Variants in FBXL7 observed in about 807,000 individuals in gnomAD.
FBXL7 encodes F-box/LRR-repeat protein 7.
In FBXL7, 12 loss-of-function variants were observed where a neutral mutation model predicts 38.3. The observed-to-expected ratio is 0.31, with a 90% CI of 0.20 to 0.51. The LOEUF is 0.51. Ranked by LOEUF, FBXL7 falls within the 20% of genes least tolerant of loss-of-function variation. The probability of loss-of-function intolerance (pLI) is 0.98; values close to 1 mark genes in which losing one functional copy is unlikely to be tolerated. For missense variants in FBXL7, 567 were observed against 676.4 expected, an observed-to-expected ratio of 0.84 and a Z score of 1.79; for synonymous variants, 297 against 300.9, an observed-to-expected ratio of 0.99 and a Z score of 0.13.
intron 1 of FBXL7, among the ~76,000 whole-genome samples, chr5:15,583,614 G>A (rs1490750069): frequency 6.6e-6 from 1 of 152,208 alleles, no homozygotes; most frequent in African/African-American, 2.4e-5. Flanking sequence ...GCTCCAAAAT[G>A]ATCTCCTTTG....
intron 1 of FBXL7, among the ~76,000 whole-genome samples, chr5:15,575,868 T>C (rs1738943003): frequency 6.6e-6 from 1 of 152,204 alleles, no homozygotes; most frequent in African/African-American, 2.4e-5. Flanking sequence ...AGCAAATAAC[T>C]AGTTTCCACA....
intron 1 of FBXL7, among the ~76,000 whole-genome samples, chr5:15,535,173 C>T (rs12189042): frequency 0.06 from 9,182 of 152,234 alleles, 380 homozygotes; most frequent in Non-Finnish European, 0.088. Context: ...GTCAATTAAC[C>T]TCTTTTGTTT....
chr5:15,592,616 T>A (rs1217233260), intron 1 of FBXL7, among the ~76,000 whole-genome samples: 1 of 152,230 alleles, frequency 6.6e-6, no homozygotes, highest in Non-Finnish European at 1.5e-5. Context: ...GTTGTGCCAT[T>A]TGTCCCTAAG....
intron 2 of FBXL7, among the ~76,000 whole-genome samples, chr5:15,838,631 T>A (rs1047812389): frequency 2.0e-5 from 3 of 152,220 alleles, no homozygotes; most frequent in African/African-American, 7.2e-5. Context: ...TTTATATCAA[T>A]GCATATTTCA....
At chr5:15,709,342 T>A (rs1321634499) in intron 2 of FBXL7, among the ~76,000 whole-genome samples, 1 of 152,070 alleles carries the variant, frequency 6.6e-6, no homozygotes, top group Non-Finnish European at 1.5e-5. Flanking sequence ...GAGACCAGCC[T>A]GGCCAACATG....
chr5:15,720,394 C>G (rs1744161655), intron 2 of FBXL7, among the ~76,000 whole-genome samples: 1 of 148,416 alleles, frequency 6.7e-6, no homozygotes, highest in Non-Finnish European at 1.5e-5. Flanking sequence ...TTATATTTAT[C>G]TTGGATGACT....
chr5:15,602,941 C>T (rs1027635274), intron 1 of FBXL7, among the ~76,000 whole-genome samples: 6 of 152,112 alleles, frequency 3.9e-5, no homozygotes, highest in Non-Finnish European at 8.8e-5. Context: ...TCAGGGGATC[C>T]TCTGGCCTCA....
chr5:15,800,998 T>C (rs566161513), intron 2 of FBXL7, among the ~76,000 whole-genome samples: 22 of 152,274 alleles, frequency 1.4e-4, no homozygotes, highest in Middle Eastern at 6.8e-3. Flanking sequence ...TAGGGCAGGA[T>C]AGCAGTTTGC....
chr5:15,745,568 G>C (rs1561109621), intron 2 of FBXL7, among the ~76,000 whole-genome samples: 1 of 152,172 alleles, frequency 6.6e-6, no homozygotes, highest in Non-Finnish European at 1.5e-5. Context: ...CAGGGTAGCA[G>C]TGCTGCATGA....
At chr5:15,506,485 A>G (rs748001014) in intron 1 of FBXL7, among the ~76,000 whole-genome samples, 5 of 152,186 alleles carry the variant, frequency 3.3e-5, no homozygotes, top group African/African-American at 4.8e-5. Flanking sequence ...CAGTAAAACT[A>G]TGGATAAGGG....
chr5:15,801,539 G>A (rs1737564015), intron 2 of FBXL7, among the ~76,000 whole-genome samples: 1 of 152,094 alleles, frequency 6.6e-6, no homozygotes, highest in Non-Finnish European at 1.5e-5. Context: ...ATCAACTGAT[G>A]CAAAATCCTT....
rs544057905 is a variant in FBXL7 at position 15,679,171 on chromosome 5, A to G, written c.127+63099A>G. Among the ~76,000 whole-genome samples, 51 of 152,308 alleles carry G rather than the reference A, an allele frequency of 3.3e-4. 1 individual carries two copies. The East Asian group carries it at 9.7e-3, about 29-fold the overall frequency. On this transcript the variant is annotated intron_variant, in intron 2 of 3. Coordinates refer to ENST00000504595, the MANE Select transcript of FBXL7 (RefSeq NM_012304.5). ...CAACCTCTGCCAGGGCATTATAGAC[A>G]AACCCCAGCTATCTACGCCTCTGCT... is the stretch of plus-strand genomic sequence containing the variant.
intron 2 of FBXL7, among the ~76,000 whole-genome samples, chr5:15,656,749 A>G (rs981320229): frequency 6.6e-6 from 1 of 152,100 alleles, no homozygotes; most frequent in Admixed American, 6.6e-5. Flanking sequence ...TGAATATCTA[A>G]TAGCCATGTA....
intron 2 of FBXL7, among the ~76,000 whole-genome samples, chr5:15,832,861 T>C (rs1738493250): frequency 6.6e-6 from 1 of 152,230 alleles, no homozygotes; most frequent in South Asian, 2.1e-4. Flanking sequence ...CATCTTAAAT[T>C]GTAGCTCCTA....
At chr5:15,643,261 A>G (rs1195411766) in intron 2 of FBXL7, among the ~76,000 whole-genome samples, 1 of 152,210 alleles carries the variant, frequency 6.6e-6, no homozygotes, top group East Asian at 1.9e-4. Flanking sequence ...CCCTTGCTGC[A>G]GTATTTTAGG....
intron 2 of FBXL7, among the ~76,000 whole-genome samples, chr5:15,784,364 A>G (rs886686795): frequency 6.6e-6 from 1 of 152,166 alleles, no homozygotes; most frequent in Non-Finnish European, 1.5e-5. Context: ...ATTTGGGCCC[A>G]TATTACATGG....
chr5:15,514,578 A>G lies in FBXL7; in HGVS notation c.37+13865A>G, dbSNP rs138152620. On this transcript the variant is annotated intron_variant, in intron 1 of 3. Coordinates refer to ENST00000504595, the MANE Select transcript of FBXL7 (RefSeq NM_012304.5). ...GTCATACAGATAGCAAGGCCTTGGG[A>G]TACTAAAATTGATTTTCTTAGTCTA... 1.4e-3 allele frequency among the ~76,000 whole-genome samples: 213 copies of G among 152,328 alleles called. 1 individual carries two copies. The highest frequency in any genetic ancestry group is 5.1e-3 in the African/African-American group (211 of 41,576).
chr5:15,666,923 A>T (rs537141103), intron 2 of FBXL7, among the ~76,000 whole-genome samples: 2 of 152,262 alleles, frequency 1.3e-5, no homozygotes, highest in African/African-American at 4.8e-5. Flanking sequence ...GTCTTAGTTG[A>T]TCAATTATTA....
At chr5:15,626,381 T>A (rs561036099) in intron 2 of FBXL7, among the ~76,000 whole-genome samples, 1 of 152,348 alleles carries the variant, frequency 6.6e-6, no homozygotes, top group Non-Finnish European at 1.5e-5. Flanking sequence ...ATCATCTCAG[T>A]GTCCAGAAAA....
Sources: gnomAD v4.1 joint callset for allele counts (sites outside exome capture counted in the v4.1 genomes callset) on GRCh38, gnomAD v4.1.1 for gene constraint, MANE v1.5 for transcripts, NCBI Gene and HGNC (gene_info 2026-07-23, HGNC 2026-07-21) for gene names.